The following GUCA1B variants were observed in gnomAD, a reference collection of about 807,000 sequenced individuals.
GUCA1B encodes the protein guanylate cyclase activator 1B.
In GUCA1B, 22 loss-of-function variants were observed where a neutral mutation model predicts 24.2. The observed-to-expected ratio is 0.91, with a 90% CI of 0.65 to 1.30. GUCA1B has a LOEUF of 1.30. Among genes scored for constraint, GUCA1B ranks in the 50% most tolerant of loss-of-function variants. GUCA1B has a pLI of 0.00. For synonymous variants in GUCA1B, 100 were observed against 97.9 expected, an observed-to-expected ratio of 1.02 and a Z score of -0.13; for missense variants, 221 against 258.8, an observed-to-expected ratio of 0.85 and a Z score of 1.00.
At chr6:42,185,006 GGAGAGACCT>G in intron 3 of GUCA1B, 64 bp from the exon 4 acceptor site, 1 of 1,523,294 alleles carries the variant, frequency 6.6e-7, no homozygotes, top group Non-Finnish European at 9.1e-7. Flanking sequence ...GGGGGCAGGA[GGAGAGACCT>G]CGCTCCCAGG....
intron 1 of GUCA1B, among the ~76,000 whole-genome samples, chr6:42,191,677 T>C (rs952125199): frequency 4.6e-5 from 7 of 152,194 alleles, no homozygotes; most frequent in African/African-American, 1.4e-4. Flanking sequence ...CAATAGGATA[T>C]TTACTTAGTC....
At position 42,183,313 on chromosome 6, in the gene GUCA1B, A is replaced by C. The variant is rs745838718; in HGVS notation, c.*1502T>G. The stretch of plus-strand genomic sequence containing the variant: ...GTTTAATAGGTTAGTTTTATTTCTT[A>C]TATACCAACATAAAAACCTATCTAT... On this transcript the variant is annotated 3_prime_UTR_variant, in exon 4 of 4. Transcript: ENST00000230361. 1.3e-5 allele frequency among the ~76,000 whole-genome samples: 2 copies of C among 152,210 alleles called. No homozygotes were observed. The highest frequency in any genetic ancestry group is 2.9e-5 in the Non-Finnish European group (2 of 68,040).
intron 2 of GUCA1B, among the ~76,000 whole-genome samples, chr6:42,187,297 G>C (rs892902792): frequency 1.3e-5 from 2 of 151,936 alleles, no homozygotes; most frequent in African/African-American, 4.8e-5. Flanking sequence ...GTAGAGACAG[G>C]GTTTCACTGT....
intron 2 of GUCA1B, among the ~76,000 whole-genome samples, chr6:42,187,429 T>C (rs912644187): frequency 6.6e-6 from 1 of 151,096 alleles, no homozygotes; most frequent in Non-Finnish European, 1.5e-5. Flanking sequence ...TTTTTTTTTT[T>C]TTTTTTTTAA....
intron 3 of GUCA1B, among the ~76,000 whole-genome samples, chr6:42,185,373 T>C (rs959586340): frequency 2.0e-5 from 3 of 152,144 alleles, no homozygotes; most frequent in African/African-American, 7.2e-5. Context: ...ATTATCCCCA[T>C]TTTCCAGATG....
chr6:42,187,418 CT>C lies in GUCA1B; in HGVS notation c.357+1163del, dbSNP rs70987578. On this transcript the variant is annotated intron_variant, in intron 2 of 3. Transcript: ENST00000230361. ...CGTGCCCGGCCAAGGGTTTATTTTACTTTTTTTTTTTTTTTTTTTAAAGACA... is the reference window on the plus strand; with the variant it reads ...CGTGCCCGGCCAAGGGTTTATTTTACTTTTTTTTTTTTTTTTTTAAAGACA... Among the ~76,000 whole-genome samples the C allele has an allele frequency of 5.2e-3, 670 of 129,548 alleles. 2 individuals are homozygous for C. Among genetic ancestry groups the C allele is most frequent in the East Asian group, 0.027 (122 of 4,514 alleles). The allele number at this position is 129,548 out of a possible 152,430, so 85.0% of individuals were successfully genotyped here.
chr6:42,193,695 C>A (rs1179742132), intron 1 of GUCA1B, among the ~76,000 whole-genome samples: 1 of 152,182 alleles, frequency 6.6e-6, no homozygotes, highest in Admixed American at 6.5e-5. Context: ...CCGGGACAGG[C>A]ACTGTGGGGA....
At chr6:42,187,565 TGCGTACCACCAC>T (rs1471206949) in intron 2 of GUCA1B, among the ~76,000 whole-genome samples, 1 of 149,126 alleles carries the variant, frequency 6.7e-6, no homozygotes, top group East Asian at 2.1e-4. Context: ...GGACCACAGG[TGCGTACCACCAC>T]GCCCAGCTAA....
chr6:42,193,288 G>A (rs1048114936), intron 1 of GUCA1B, among the ~76,000 whole-genome samples: 5 of 152,154 alleles, frequency 3.3e-5, no homozygotes, highest in African/African-American at 7.2e-5. Flanking sequence ...AATCATGATC[G>A]TATTGATTTT....
In GUCA1B at chr6:42,183,600, C is replaced by A. The variant is rs1387690043; in HGVS notation, c.*1215G>T. On this transcript the variant is annotated 3_prime_UTR_variant, in exon 4 of 4. Coordinates refer to ENST00000230361, the MANE Select transcript of GUCA1B (RefSeq NM_002098.6). ...AACTGTTCGCCTAGTCCGACCTGCT[C>A]ACTGTGCTGCCAAGACATAACCAAG... is the stretch of plus-strand genomic sequence containing the variant. 6.6e-6 allele frequency among the ~76,000 whole-genome samples: 1 copy of A among 152,218 alleles called. No individual in the cohort carries two copies. The highest frequency in any genetic ancestry group is 1.5e-5 in the Non-Finnish European group (1 of 68,044).
chr6:42,194,065 G>A (rs1768356227), intron 1 of GUCA1B, among the ~76,000 whole-genome samples: 1 of 152,214 alleles, frequency 6.6e-6, no homozygotes, highest in South Asian at 2.1e-4. Flanking sequence ...TTGAAGAGCT[G>A]AAAGGGGCTT....
chr6:42,194,706 T>C lies in GUCA1B; in HGVS notation c.115A>G (p.Met39Val). The change falls in exon 1 of 4, where the codon ATG becomes GTG. Residue 39 changes from methionine to valine, a missense_variant. Met to Val is a conservative substitution (Grantham distance 21). Coordinates refer to ENST00000230361, the MANE Select transcript of GUCA1B (RefSeq NM_002098.6). ...VMECPSGTLF[M>V]HEFKRFFKVT... ...TTGAAGAAGCGCTTAAACTCATGCATAAAGAGTGTGCCGCTGGGGCACTCC... is the reference window on the plus strand; with the variant it reads ...TTGAAGAAGCGCTTAAACTCATGCACAAAGAGTGTGCCGCTGGGGCACTCC... 1 of 1,613,438 alleles carries C rather than the reference T, an allele frequency of 6.2e-7. No homozygotes were observed. Among genetic ancestry groups the C allele is most frequent in the Non-Finnish European group, 8.5e-7 (1 of 1,179,352 alleles).
At chr6:42,189,282 T>C (rs1025564796) in intron 1 of GUCA1B, among the ~76,000 whole-genome samples, 1 of 152,236 alleles carries the variant, frequency 6.6e-6, no homozygotes, top group Non-Finnish European at 1.5e-5. Flanking sequence ...GCATTGTCAC[T>C]TAACTGTTTC....
At chr6:42,188,902 A>ATCTATCTATCTATATC (rs57981170) in intron 1 of GUCA1B, among the ~76,000 whole-genome samples, 171 bp from the exon 2 acceptor site, 1,597 of 114,730 alleles carry the variant, frequency 0.014, 34 homozygotes, top group African/African-American at 0.051. Context: ...CTATCTATCT[A>ATCTATCTATCTATATC]TATCTATATC....
intron 1 of GUCA1B, among the ~76,000 whole-genome samples, chr6:42,191,009 G>A (rs1768295062): frequency 6.6e-6 from 1 of 152,118 alleles, no homozygotes; most frequent in South Asian, 2.1e-4. Context: ...GGAAACCCCA[G>A]GACCATTTCT....
chr6:42,193,242 A>AT (rs1768340742), intron 1 of GUCA1B, among the ~76,000 whole-genome samples: 1 of 152,226 alleles, frequency 6.6e-6, no homozygotes, highest in Non-Finnish European at 1.5e-5. Context: ...GAGTACAACT[A>AT]TATGCCTAGG....
intron 1 of GUCA1B, 124 bp downstream of exon 1, chr6:42,194,490 C>G (rs116449153): frequency 2.2e-5 from 16 of 733,102 alleles, no homozygotes; most frequent in Non-Finnish European, 3.3e-5. Flanking sequence ...TAAAGAGAGA[C>G]GGAGTGGAAA....
At chr6:42,188,808 G>A (rs1768242426) in intron 1 of GUCA1B, 77 bp from the exon 2 acceptor site, 8 of 1,391,554 alleles carry the variant, frequency 5.7e-6, no homozygotes, top group Non-Finnish European at 8.0e-6. Context: ...GCAAACACAG[G>A]GCTTCTCCTC....
At chr6:42,184,972 T>A (rs45501397) in intron 3 of GUCA1B, 30 bp from the exon 4 acceptor site, 1 of 1,612,436 alleles carries the variant, frequency 6.2e-7, no homozygotes, top group Non-Finnish European at 8.5e-7. Flanking sequence ...GGTGGTCATG[T>A]AGAAGAAGGG....
Sources: gnomAD v4.1 joint callset for allele counts (sites outside exome capture counted in the v4.1 genomes callset) on GRCh38, gnomAD v4.1.1 for gene constraint, MANE v1.5 for transcripts, NCBI Gene and HGNC (gene_info 2026-07-23, HGNC 2026-07-21) for gene names.